The following HDAC9 variants were observed in gnomAD, a reference collection of about 807,000 sequenced individuals.
HDAC9 encodes the protein histone deacetylase 9.
Under a neutral mutation model 139.4 loss-of-function variants are expected in HDAC9, and 41 were observed. The observed-to-expected ratio is 0.29, with a 90% confidence interval of 0.23 to 0.38. HDAC9 has a LOEUF of 0.38. Ranked by LOEUF, HDAC9 falls within the 10% of genes least tolerant of loss-of-function variation. HDAC9 has a pLI of 1.00. For missense variants in HDAC9, 1,147 were observed against 1,297.0 expected (o/e 0.88, Z 1.78); for synonymous variants, 517 against 476.2 (o/e 1.09, Z -1.12).
intron 17 of HDAC9, among the ~76,000 whole-genome samples, chr7:18,794,842 AT>A (rs1792641191): frequency 6.6e-6 from 1 of 152,222 alleles, no homozygotes; most frequent in African/African-American, 2.4e-5. Flanking sequence ...CAATATTATA[AT>A]TTTAAAGATT....
chr7:18,784,905 G>T (rs141654922), intron 16 of HDAC9, among the ~76,000 whole-genome samples: 29 of 151,764 alleles, frequency 1.9e-4, no homozygotes, highest in African/African-American at 6.3e-4. Context: ...ATGAACAACA[G>T]TTTCTCAAAA....
chr7:18,449,475 G>A (rs1792597718), intron 1 of HDAC9, among the ~76,000 whole-genome samples: 2 of 152,166 alleles, frequency 1.3e-5, no homozygotes, highest in South Asian at 4.1e-4. Context: ...GTATTAATGA[G>A]AGAGGGCACA....
At chr7:18,317,076 A>G (rs905162950) in intron 1 of HDAC9, among the ~76,000 whole-genome samples, 1 of 148,244 alleles carries the variant, frequency 6.7e-6, no homozygotes, top group African/African-American at 2.5e-5. Flanking sequence ...CCTGGGCGAC[A>G]GAGTCAGACT....
intron 6 of HDAC9, among the ~76,000 whole-genome samples, chr7:18,603,617 A>G (rs1834584654): frequency 6.6e-6 from 1 of 152,026 alleles, no homozygotes; most frequent in South Asian, 2.1e-4. Context: ...TATTGCTGTC[A>G]TTTATTTCTG....
chr7:18,215,336 A>G (rs1376309866), intron 2 of HDAC9, among the ~76,000 whole-genome samples: 1 of 152,170 alleles, frequency 6.6e-6, no homozygotes, highest in Non-Finnish European at 1.5e-5. Flanking sequence ...CTTTATGTCA[A>G]GAGATTTGTG....
intron 22 of HDAC9, among the ~76,000 whole-genome samples, chr7:18,914,721 C>T (rs534997802): frequency 2.2e-5 from 3 of 137,260 alleles, no homozygotes; most frequent in African/African-American, 7.6e-5. Flanking sequence ...TGAGTTGGAA[C>T]TTGATGTAAA....
chr7:18,157,253 C>T (rs917250911), intron 1 of HDAC9, among the ~76,000 whole-genome samples: 2 of 152,134 alleles, frequency 1.3e-5, no homozygotes, highest in Non-Finnish European at 2.9e-5. Context: ...TACAGGTGTT[C>T]ATTCTGAGTA....
At chr7:18,374,739 C>A (rs900419806) in intron 1 of HDAC9, among the ~76,000 whole-genome samples, 1 of 151,744 alleles carries the variant, frequency 6.6e-6, no homozygotes, top group African/African-American at 2.4e-5. Flanking sequence ...TATATAAAGT[C>A]TATATATTTA....
At chr7:18,108,245 C>T (rs529907379) in intron 1 of HDAC9, among the ~76,000 whole-genome samples, 5 of 152,160 alleles carry the variant, frequency 3.3e-5, no homozygotes, top group East Asian at 1.9e-4. Flanking sequence ...AAAGGGTTGA[C>T]GGTTGGAAGT....
chr7:18,430,891 C>A (rs538833013), intron 1 of HDAC9, among the ~76,000 whole-genome samples: 1 of 152,178 alleles, frequency 6.6e-6, no homozygotes, highest in Non-Finnish European at 1.5e-5. Flanking sequence ...TCTAAACAAA[C>A]CAAACCAAAC....
chr7:18,874,340 C>T, intron 21 of HDAC9, 138 bp from the exon 22 acceptor site: 1 of 522,534 alleles, frequency 1.9e-6, no homozygotes, highest in Non-Finnish European at 3.5e-6. Context: ...ACGCTTTTGT[C>T]CCATTCAAAT....
At position 18,200,420 on chromosome 7, in the gene HDAC9, C is replaced by T. The variant is rs1178318; in HGVS notation, c.25+38071C>T. ...ATCCCTGGAAAACTTCACTCAAAGGCTGTATCTTCCAGTGAAAGCTTCATG... is the reference window on the plus strand; with the variant it reads ...ATCCCTGGAAAACTTCACTCAAAGGTTGTATCTTCCAGTGAAAGCTTCATG... On this transcript the variant is annotated intron_variant, in intron 2 of 12. Transcript: ENST00000417496. 8.8e-3 allele frequency among the ~76,000 whole-genome samples: 1,344 copies of T among 152,244 alleles called. 20 individuals carry two copies. Among genetic ancestry groups the T allele is most frequent in the African/African-American group, 0.031 (1,294 of 41,542 alleles).
intron 14 of HDAC9, among the ~76,000 whole-genome samples, chr7:18,761,619 T>A (rs1789398913): frequency 6.6e-6 from 1 of 152,226 alleles, no homozygotes; most frequent in African/African-American, 2.4e-5. Context: ...ATTGACGTGT[T>A]ATTGATCCCA....
At chr7:18,607,400 A>G (rs1835821572) in intron 6 of HDAC9, among the ~76,000 whole-genome samples, 1 of 152,234 alleles carries the variant, frequency 6.6e-6, no homozygotes, top group South Asian at 2.1e-4. Context: ...GAGCTGTGTG[A>G]CCTGCACATA....
chr7:18,717,818 A>G (rs1290699329), intron 12 of HDAC9, among the ~76,000 whole-genome samples: 2 of 152,218 alleles, frequency 1.3e-5, no homozygotes, highest in Non-Finnish European at 2.9e-5. Flanking sequence ...GTATCACTAC[A>G]TAAATATGTG....
intron 2 of HDAC9, among the ~76,000 whole-genome samples, chr7:18,179,846 C>T (rs1421620304): frequency 6.6e-6 from 1 of 152,122 alleles, no homozygotes; most frequent in Non-Finnish European, 1.5e-5. Context: ...TGTAATTGTA[C>T]AAGAGATAGT....
At chr7:18,943,837 G>C (rs956091813) in intron 23 of HDAC9, among the ~76,000 whole-genome samples, 31 of 151,810 alleles carry the variant, frequency 2.0e-4, no homozygotes, top group African/African-American at 7.5e-4. Flanking sequence ...TTTCTTTATT[G>C]CTGTGTTGAT....
chr7:18,131,003 G>A (rs1637632), intron 1 of HDAC9, among the ~76,000 whole-genome samples: 3 of 151,368 alleles, frequency 2.0e-5, no homozygotes, highest in South Asian at 2.1e-4. Flanking sequence ...TCTTATAATC[G>A]AGTGTTTAGA....
chr7:18,252,962 T>G (rs1164629248), intron 2 of HDAC9, among the ~76,000 whole-genome samples: 1 of 152,178 alleles, frequency 6.6e-6, no homozygotes, highest in African/African-American at 2.4e-5. Context: ...TATCTGTCCG[T>G]GTGTTCTCCT....
Sources: gnomAD v4.1 joint callset for allele counts (sites outside exome capture counted in the v4.1 genomes callset) on GRCh38, gnomAD v4.1.1 for gene constraint, MANE v1.5 for transcripts, NCBI Gene and HGNC (gene_info 2026-07-23, HGNC 2026-07-21) for gene names.